The following DCTN3 variants were observed in gnomAD, a reference collection of about 807,000 sequenced individuals.
DCTN3 encodes dynactin 3 (p22).
Under a neutral mutation model 28.4 loss-of-function variants are expected in DCTN3, and 25 were observed. The observed-to-expected ratio is 0.88, with a 90% CI of 0.64 to 1.23. DCTN3 has a LOEUF of 1.23. Ranked by LOEUF, DCTN3 falls within the 50% of genes most tolerant of loss-of-function variation. The pLI, the probability that DCTN3 is intolerant of heterozygous loss-of-function variation, is 0.00. For synonymous variants in DCTN3, 81 were observed against 91.4 expected (o/e 0.89, Z 0.65); for missense variants, 229 against 232.0 (o/e 0.99, Z 0.08).
chr9:34,618,809 G>T, intron 1 of DCTN3, 49 bp from the exon 2 acceptor site: 2 of 1,463,546 alleles, frequency 1.4e-6, no homozygotes, highest in Non-Finnish European at 1.9e-6. Context: ...CTGGCTCAAG[G>T]CTTGGAAAAG....
chr9:34,614,753 G>T lies in DCTN3; in HGVS notation c.368C>A (p.Ala123Asp). The T allele has an allele frequency of 6.2e-7, 1 of 1,614,038 alleles. No homozygotes were observed. Among genetic ancestry groups the T allele is most frequent in the Non-Finnish European group, 8.5e-7 (1 of 1,180,038 alleles). Residue 123 changes from alanine (A) to aspartate (D), a missense_variant, in exon 5 of 7, where the codon GCT (alanine) becomes GAT (aspartate). Physicochemically the swap from Ala to Asp is moderately radical, Grantham distance 126. Coordinates refer to ENST00000259632, the MANE Select transcript of DCTN3 (RefSeq NM_007234.5). ...SAHIKAVPEH[A>D]ARLQRLAQIH... ...CTGGGCCAAGCGCTGCAGGCGGGCA[G>T]CATGCTCAGGAACGGCTGTAAAACA...
intron 1 of DCTN3, 85 bp from the exon 2 acceptor site, chr9:34,618,845 T>A: frequency 9.4e-7 from 1 of 1,069,002 alleles, no homozygotes; most frequent in Non-Finnish European, 1.4e-6. Flanking sequence ...TCTCCCAGAC[T>A]CTCAAACCTG....
At position 34,617,934 on chromosome 9, in the gene DCTN3, G is replaced by A. The variant is rs561829537; in HGVS notation, c.219C>T (p.Ile73=). 47 of 1,613,870 alleles carry A rather than the reference G, an allele frequency of 2.9e-5. No individual in the cohort carries two copies. Among genetic ancestry groups the A allele is most frequent in the East Asian group, 2.0e-4 (9 of 44,890 alleles). Residue 73 remains isoleucine, a synonymous_variant, in exon 3 of 7, where the codon ATC becomes ATT. Transcript: ENST00000259632. ...AGGCATCAGGTATGGCAATGCGGTC[G>A]ATGTACTCAGGATCCAGGTACTTGA... ...DLIKYLDPEY[I]DRIAIPDASK... is the part of the protein sequence containing the mutation.
At chr9:34,617,507 T>C (rs1053732527) in intron 3 of DCTN3, 3 of 554,598 alleles carry the variant, frequency 5.4e-6, no homozygotes, top group Non-Finnish European at 8.3e-6. Flanking sequence ...AGAAAGATGT[T>C]GAAACTCATG....
intron 5 of DCTN3, 105 bp from the exon 6 acceptor site, chr9:34,614,206 A>C: frequency 6.2e-7 from 1 of 1,603,200 alleles, no homozygotes; most frequent in African/African-American, 1.3e-5. Flanking sequence ...AGCCTAAAAA[A>C]GATGACGCTT....
chr9:34,616,039 G>T lies in DCTN3; in HGVS notation c.343C>A (p.His115Asn), dbSNP rs761647683. The change falls in exon 4 of 7, where the codon CAC becomes AAC. Residue 115 changes from histidine (H) to asparagine (N), a missense_variant. His to Asn is a moderately conservative substitution (Grantham distance 68). Coordinates refer to ENST00000259632, the MANE Select transcript of DCTN3 (RefSeq NM_007234.5). The surrounding 1 kb of genome is among the most constrained non-coding windows in gnomAD (Gnocchi z 4.7). Reference sequence around the variant, plus strand: ...AACCCCAGAGAGATACCTTTGATGTGAGCACTGTCCAGCATGGGCACCAAG... The same window carrying T: ...AACCCCAGAGAGATACCTTTGATGTTAGCACTGTCCAGCATGGGCACCAAG... ...NALVPMLDSA[H>N]IKAVPEHAAR... 6.2e-7 allele frequency: 1 copy of T among 1,613,864 alleles called. No individual in the cohort carries two copies.
At chr9:34,619,358 T>C (rs1314946314) in intron 1 of DCTN3, among the ~76,000 whole-genome samples, 1 of 152,248 alleles carries the variant, frequency 6.6e-6, no homozygotes, top group Non-Finnish European at 1.5e-5. Context: ...AACAGAAATC[T>C]GGACCAGAGA....
rs1319230668 is a variant in DCTN3 at position 34,620,314 on chromosome 9, C to G, written c.96+55G>C. On this transcript the variant is annotated intron_variant, in intron 1 of 6. Coordinates refer to ENST00000259632, the MANE Select transcript of DCTN3 (RefSeq NM_007234.5). Reference sequence around the variant, plus strand: ...AGCGGTTGCATCCCGAGGGCCAGGACAGTGGACCGCTCTTGCTCTGCTCCA... The same window carrying G: ...AGCGGTTGCATCCCGAGGGCCAGGAGAGTGGACCGCTCTTGCTCTGCTCCA... The G allele has an allele frequency of 1.7e-5, 26 of 1,518,726 alleles. No individual in the cohort carries two copies. In the East Asian group the frequency reaches 5.7e-4, roughly 33 times the overall value. 94.1% of individuals were successfully genotyped at this position (1,518,726 alleles called of 1,614,324 possible).
chr9:34,614,176 C>T lies in DCTN3; in HGVS notation c.412-75G>A, dbSNP rs74774311. ...TTCCACTAAACTTCCTGCCTCATCA[C>T]GGACTCCCACTCCCCATGGAGCCTA... On this transcript the variant is annotated intron_variant, in intron 5 of 6. Coordinates refer to ENST00000259632, the MANE Select transcript of DCTN3 (RefSeq NM_007234.5). 1,895 of 1,613,076 alleles carry T rather than the reference C, an allele frequency of 1.2e-3. 20 individuals are homozygous for T. The African/African-American group carries it at 0.022, about 19-fold the overall frequency.
intron 3 of DCTN3, 79 bp downstream of exon 3, chr9:34,617,806 A>G: frequency 6.3e-7 from 1 of 1,587,962 alleles, no homozygotes; most frequent in Non-Finnish European, 8.6e-7. Context: ...AGAAGACTGG[A>G]TGGAGAGGCC....
intron 5 of DCTN3, 30 bp downstream of exon 5, chr9:34,614,680 C>G (rs1210722322): frequency 6.2e-7 from 1 of 1,613,826 alleles, no homozygotes; most frequent in Admixed American, 1.7e-5. Context: ...CCACCTCCAT[C>G]TTCGCTTCTA....
At chr9:34,618,791 T>C in intron 1 of DCTN3, 31 bp from the exon 2 acceptor site, 3 of 1,549,168 alleles carry the variant, frequency 1.9e-6, no homozygotes, top group Non-Finnish European at 2.7e-6. Context: ...AATTCCAAGA[T>C]ATACTACCTG....
intron 1 of DCTN3, among the ~76,000 whole-genome samples, chr9:34,619,891 C>T (rs10972170): frequency 0.018 from 2,766 of 152,288 alleles, 86 homozygotes; most frequent in African/African-American, 0.063. Context: ...AGTACCCAGT[C>T]TCTTCCCTTC....
chr9:34,620,470 C>T lies in DCTN3; in HGVS notation c.-6G>A. On this transcript the variant is annotated 5_prime_UTR_variant, in exon 1 of 7. Transcript: ENST00000259632. ...AAGTCAGTCAGACCCGCCATCGCTA[C>T]TACCGACCCACCTCGGCCAGGAAAC... 2 of 1,549,406 alleles carry T rather than the reference C, an allele frequency of 1.3e-6. No individual in the cohort carries two copies. The highest frequency in any genetic ancestry group is 1.7e-6 in the Non-Finnish European group (2 of 1,147,296).
chr9:34,616,300 C>A lies in DCTN3; in HGVS notation c.269-187G>T. On this transcript the variant is annotated intron_variant, in intron 3 of 6. Transcript: ENST00000259632. The surrounding 1 kb of genome is among the most constrained non-coding windows in gnomAD (Gnocchi z 4.7). Reference sequence around the variant, plus strand: ...CTGCCCCCAACTCTCCTGGATGCCTCAGGTCTGACCCATCTGAGCCTAATG... The same window carrying A: ...CTGCCCCCAACTCTCCTGGATGCCTAAGGTCTGACCCATCTGAGCCTAATG... The A allele has an allele frequency of 1.9e-6, 1 of 520,444 alleles. No homozygotes were observed. The highest frequency in any genetic ancestry group is 3.2e-5 in the East Asian group (1 of 30,896). The allele number at this position is 520,444 out of a possible 1,614,324, so 32.2% of individuals were successfully genotyped here. A position where few individuals can be genotyped will look rare whatever the true frequency, so the allele number is the denominator to read the frequency against.
intron 4 of DCTN3, chr9:34,615,458 C>G (rs765579339): frequency 6.6e-6 from 1 of 152,164 alleles, no homozygotes; most frequent in Admixed American, 6.6e-5. Flanking sequence ...AGAAGAGATG[C>G]TTGGGGGTAG....
chr9:34,620,472 A>G lies in DCTN3; in HGVS notation c.-8T>C. The G allele has an allele frequency of 1.9e-6, 3 of 1,548,976 alleles. No homozygotes were observed. Among genetic ancestry groups the G allele is most frequent in the East Asian group, 2.4e-5 (1 of 40,946 alleles). On this transcript the variant is annotated 5_prime_UTR_variant, in exon 1 of 7. Coordinates refer to ENST00000259632, the MANE Select transcript of DCTN3 (RefSeq NM_007234.5). ...GTCAGTCAGACCCGCCATCGCTACT[A>G]CCGACCCACCTCGGCCAGGAAACAG...
At chr9:34,619,017 G>A (rs535809193) in intron 1 of DCTN3, among the ~76,000 whole-genome samples, 174 of 152,348 alleles carry the variant, frequency 1.1e-3, no homozygotes, top group Middle Eastern at 3.4e-3. Context: ...ATGGAATATA[G>A]AGTATACACA....
intron 3 of DCTN3, 186 bp downstream of exon 3, chr9:34,617,699 G>T (rs917963035): frequency 6.7e-7 from 1 of 1,495,104 alleles, no homozygotes; most frequent in African/African-American, 1.4e-5. Flanking sequence ...TGGTGCAGAG[G>T]TATACTGTAC....
Sources: allele counts gnomAD v4.1 joint callset (sites outside exome capture counted in the v4.1 genomes callset), GRCh38; gene constraint gnomAD v4.1.1; non-coding constraint Gnocchi (gnomAD v3.1); transcripts MANE v1.5; gene names NCBI Gene and HGNC (gene_info 2026-07-23, HGNC 2026-07-21).